The following FILIP1L variants were observed in gnomAD, a reference collection of about 807,000 sequenced individuals.
FILIP1L encodes the protein filamin A interacting protein 1 like.
A neutral mutation model predicts 96.6 loss-of-function variants in FILIP1L; 55 were observed. The ratio of observed to expected loss-of-function variants is 0.57; its 90% CI spans 0.46 to 0.71. FILIP1L has a LOEUF of 0.71. Ranked by LOEUF, FILIP1L falls within the 30% of genes least tolerant of loss-of-function variation. The pLI is 0.00. For missense variants in FILIP1L, 1,304 were observed against 1,321.2 expected (o/e 0.99, Z 0.20); for synonymous variants, 467 against 473.9 (o/e 0.99, Z 0.19).
At chr3:99,856,386 G>A (rs1481863785) in intron 4 of FILIP1L, among the ~76,000 whole-genome samples, 1 of 152,056 alleles carries the variant, frequency 6.6e-6, no homozygotes, top group African/African-American at 2.4e-5. Flanking sequence ...TACCCTCAGG[G>A]GTACATGTAC....
chr3:99,911,951 A>G (rs1174269062), intron 4 of FILIP1L, among the ~76,000 whole-genome samples: 1 of 151,514 alleles, frequency 6.6e-6, no homozygotes, highest in Non-Finnish European at 1.5e-5. Flanking sequence ...TTTTTTTTCC[A>G]GCAAATAATC....
rs557464940 is a variant in FILIP1L at position 99,952,166 on chromosome 3, GT to G, written c.-10-21137del. On this transcript the variant is annotated intron_variant, in intron 1 of 5. Coordinates refer to ENST00000477258, the MANE Select transcript of FILIP1L (RefSeq NM_001387850.1). ...ACAGACCACAGTCTCCTATAGATGTGTTTTTTTTTTTCGTTGACTTAATAAG... is the reference window on the plus strand; with the variant it reads ...ACAGACCACAGTCTCCTATAGATGTGTTTTTTTTTTCGTTGACTTAATAAG... Among the ~76,000 whole-genome samples the G allele has an allele frequency of 7.0e-4, 101 of 145,222 alleles. 1 individual carries two copies. The highest frequency in any genetic ancestry group is 4.2e-3 in the East Asian group (21 of 4,966).
At chr3:100,042,634 T>C (rs977125270) in intron 1 of FILIP1L, among the ~76,000 whole-genome samples, 5 of 152,234 alleles carry the variant, frequency 3.3e-5, no homozygotes, top group African/African-American at 4.8e-5. Flanking sequence ...CCATGCCAGA[T>C]GATACTGTAT....
At chr3:100,023,955 C>T (rs1022087835) in intron 1 of FILIP1L, among the ~76,000 whole-genome samples, 1 of 152,134 alleles carries the variant, frequency 6.6e-6, no homozygotes, top group African/African-American at 2.4e-5. Context: ...ATCTTTACTT[C>T]CTGGGAACTT....
chr3:99,979,081 A>G (rs1709048584), intron 1 of FILIP1L, among the ~76,000 whole-genome samples: 1 of 152,210 alleles, frequency 6.6e-6, no homozygotes, highest in South Asian at 2.1e-4. Context: ...TCAAATAGCT[A>G]GAAGACAGGA....
intron 4 of FILIP1L, among the ~76,000 whole-genome samples, chr3:99,863,057 T>C (rs1944338462): frequency 6.6e-6 from 1 of 152,160 alleles, no homozygotes; most frequent in Non-Finnish European, 1.5e-5. Context: ...TAGGCAGCGG[T>C]CCCCAACCTT....
chr3:99,945,121 T>C (rs1707969735), intron 1 of FILIP1L, among the ~76,000 whole-genome samples: 1 of 152,206 alleles, frequency 6.6e-6, no homozygotes, highest in African/African-American at 2.4e-5. Context: ...GTGCTCTCCC[T>C]GATGCTTTTT....
At chr3:99,891,471 C>T (rs1014886750) in intron 4 of FILIP1L, among the ~76,000 whole-genome samples, 1 of 151,908 alleles carries the variant, frequency 6.6e-6, no homozygotes, top group African/African-American at 2.4e-5. Flanking sequence ...CAGTCTTTGG[C>T]CTTGAATATT....
intron 1 of FILIP1L, among the ~76,000 whole-genome samples, chr3:99,985,381 A>C (rs1355253658): frequency 1.3e-5 from 2 of 151,970 alleles, no homozygotes; most frequent in Non-Finnish European, 2.9e-5. Context: ...CAAATAGAAA[A>C]ATTAGCTGGG....
chr3:99,948,327 C>CA (rs943275281), intron 1 of FILIP1L, among the ~76,000 whole-genome samples: 2 of 150,314 alleles, frequency 1.3e-5, no homozygotes, highest in Non-Finnish European at 1.5e-5. Context: ...ACTGTCTCTC[C>CA]AAAAAAATAA....
In FILIP1L at chr3:99,952,058, A is replaced by G. The variant is rs546045416; in HGVS notation, c.-10-21028T>C. Among the ~76,000 whole-genome samples the G allele has an allele frequency of 1.7e-3, 262 of 152,296 alleles. 1 individual carries two copies. The highest frequency in any genetic ancestry group is 6.0e-3 in the African/African-American group (250 of 41,572). On this transcript the variant is annotated intron_variant, in intron 1 of 5. Coordinates refer to ENST00000477258, the MANE Select transcript of FILIP1L (RefSeq NM_001387850.1). ...TCCAGTGGACCATATGTAACTGCAC[A>G]TGTGACCTAGGGCCAACTCTGAAGC... is the stretch of plus-strand genomic sequence containing the variant.
intron 1 of FILIP1L, among the ~76,000 whole-genome samples, chr3:100,066,084 A>G (rs759744327): frequency 6.6e-6 from 1 of 152,220 alleles, no homozygotes; most frequent in Non-Finnish European, 1.5e-5. Context: ...ACTTAGAGAG[A>G]TGGTCTTTAC....
intron 1 of FILIP1L, among the ~76,000 whole-genome samples, chr3:100,086,596 G>A (rs562587311): frequency 2.0e-5 from 3 of 152,248 alleles, no homozygotes; most frequent in South Asian, 2.1e-4. Flanking sequence ...CCAGGCTAAC[G>A]TCCAAAATAT....
chr3:100,086,530 TG>T (rs1417470955), intron 1 of FILIP1L, among the ~76,000 whole-genome samples: 1 of 152,196 alleles, frequency 6.6e-6, no homozygotes, highest in Admixed American at 6.5e-5. Context: ...GCCCTAAGCC[TG>T]TTTACCCAAA....
chr3:99,959,697 C>CA (rs1352264304), intron 1 of FILIP1L, among the ~76,000 whole-genome samples: 1 of 152,156 alleles, frequency 6.6e-6, no homozygotes, highest in Non-Finnish European at 1.5e-5. Context: ...TATTTTCTAA[C>CA]AGACTCCAAT....
At chr3:100,027,669 ATGT>A (rs1298894073) in intron 1 of FILIP1L, among the ~76,000 whole-genome samples, 1 of 152,150 alleles carries the variant, frequency 6.6e-6, no homozygotes, top group Non-Finnish European at 1.5e-5. Context: ...AATATGGAAA[ATGT>A]TGTGTGAATT....
chr3:99,940,926 G>A (rs1707831828), intron 1 of FILIP1L, among the ~76,000 whole-genome samples: 1 of 152,216 alleles, frequency 6.6e-6, no homozygotes, highest in Non-Finnish European at 1.5e-5. Context: ...ATGGGTTGTT[G>A]TAGAGAAGAT....
At chr3:99,938,783 A>G (rs1351519967) in intron 1 of FILIP1L, among the ~76,000 whole-genome samples, 1 of 152,176 alleles carries the variant, frequency 6.6e-6, no homozygotes, top group Admixed American at 6.5e-5. Context: ...TTGTGCTCAC[A>G]TGGCCAGATT....
intron 1 of FILIP1L, among the ~76,000 whole-genome samples, chr3:100,084,970 C>T (rs910417089): frequency 6.6e-6 from 1 of 152,228 alleles, no homozygotes; most frequent in Non-Finnish European, 1.5e-5. Flanking sequence ...AACTCATTCT[C>T]TGTCCATGTC....
Sources: allele counts gnomAD v4.1 joint callset (sites outside exome capture counted in the v4.1 genomes callset), GRCh38; gene constraint gnomAD v4.1.1; transcripts MANE v1.5; gene names NCBI Gene and HGNC (gene_info 2026-07-23, HGNC 2026-07-21).